The following EXPH5 variants were observed in gnomAD, a reference collection of about 807,000 sequenced individuals.
EXPH5 encodes exophilin 5.
Under a neutral mutation model 41.1 loss-of-function variants are expected in EXPH5, and 42 were observed. That is an observed-to-expected ratio of 1.02 (90% CI 0.80 to 1.32). EXPH5 has a LOEUF of 1.32. Among genes scored for constraint, EXPH5 ranks in the 40% most tolerant of loss-of-function variants. The pLI is 0.00. For missense variants in EXPH5, 2,298 were observed against 2,314.5 expected (o/e 0.99, Z 0.15); for synonymous variants, 798 against 833.5 (o/e 0.96, Z 0.73).
the EXPH5 span, among the ~76,000 whole-genome samples, chr11:108,602,117 A>G: frequency 6.6e-6 from 1 of 152,204 alleles, no homozygotes; most frequent in African/African-American, 2.4e-5. Context: ...TGACATGGGA[A>G]CCATTTAATG....
intron 3 of EXPH5, among the ~76,000 whole-genome samples, chr11:108,531,026 T>C (rs904159921): frequency 2.0e-5 from 3 of 152,178 alleles, no homozygotes; most frequent in Admixed American, 2.0e-4. Context: ...ACTATGCTGG[T>C]AAAAGGCCCC....
At chr11:108,546,562 G>A (rs899865624) in intron 1 of EXPH5, among the ~76,000 whole-genome samples, 2 of 152,164 alleles carry the variant, frequency 1.3e-5, no homozygotes, top group Non-Finnish European at 2.9e-5. Flanking sequence ...GCCACTTACA[G>A]ATATCATGCA....
intron 4 of EXPH5, among the ~76,000 whole-genome samples, chr11:108,523,475 G>A (rs2093778480): frequency 6.6e-6 from 1 of 152,072 alleles, no homozygotes; most frequent in Non-Finnish European, 1.5e-5. Flanking sequence ...TAAACTCTCT[G>A]AAGAAAGGAA....
intron 3 of EXPH5, among the ~76,000 whole-genome samples, chr11:108,537,139 T>A (rs911922567): frequency 6.6e-6 from 1 of 152,272 alleles, no homozygotes; most frequent in Admixed American, 6.5e-5. Context: ...TCAGAATGTA[T>A]GACCTGATTT....
Position 108,511,567 on chromosome 11 carries a change from GATT to G in EXPH5, c.3937_3939del (p.Asn1313del). ...TGATCAGAGTTGACGGACATCTTTA[GATT>G]TTCACATGAAGGTGTTCCTGACTGC... On this transcript the variant is annotated inframe_deletion, in exon 6 of 6. Transcript: ENST00000265843. 6.2e-7 allele frequency: 1 copy of G among 1,613,248 alleles called. No homozygotes were observed. The highest frequency in any genetic ancestry group is 1.1e-5 in the South Asian group (1 of 90,788).
At position 108,575,015 on chromosome 11, in the gene EXPH5, C is replaced by T. The variant is rs567805661; in HGVS notation, c.119+18403G>A. Among the ~76,000 whole-genome samples the T allele has an allele frequency of 2.6e-5, 4 of 152,258 alleles. No individual in the cohort carries two copies. The South Asian group carries it at 6.2e-4, about 24-fold the overall frequency. On this transcript the variant is annotated intron_variant, in intron 1 of 5. Coordinates refer to ENST00000265843, the MANE Select transcript of EXPH5 (RefSeq NM_015065.3). ...ATTCTTATGTCAGAAAAATGTACCC[C>T]CGATTTGTTAAAGTCATGGTTAGAT...
upstream of EXPH5, among the ~76,000 whole-genome samples, chr11:108,594,629 A>G (rs1200048049): frequency 1.3e-5 from 2 of 152,172 alleles, no homozygotes; most frequent in Non-Finnish European, 2.9e-5. Flanking sequence ...ACATGTTTTT[A>G]TCTTGGCTTC....
rs760124476 is a variant in EXPH5 at position 108,510,982 on chromosome 11, C to G, written c.4525G>C (p.Ala1509Pro). ...TLSHSESQVF[A>P]LTPALHKLQL... Reference sequence around the variant, plus strand: ...AGTTTATGCAATGCTGGAGTAAGGGCAAAGACTTGACTCTCTGAGTGAGAA... The same window carrying G: ...AGTTTATGCAATGCTGGAGTAAGGGGAAAGACTTGACTCTCTGAGTGAGAA... The change falls in exon 6 of 6, where the codon GCC becomes CCC. Residue 1509 changes from alanine to proline, a missense_variant. By Grantham distance (27) the Ala-to-Pro change is conservative. Transcript: ENST00000265843. The G allele has an allele frequency of 6.2e-7, 1 of 1,613,988 alleles. No homozygotes were observed. Among genetic ancestry groups the G allele is most frequent in the Non-Finnish European group, 8.5e-7 (1 of 1,180,000 alleles).
In EXPH5 at chr11:108,514,051, C is replaced by A; in HGVS notation, c.1456G>T (p.Gly486Ter). The change falls in exon 6 of 6, where the codon GGA (glycine) becomes TGA (stop). Residue 486 changes from glycine to a stop codon, truncating the protein, a stop_gained. Coordinates refer to ENST00000265843, the MANE Select transcript of EXPH5 (RefSeq NM_015065.3). LOFTEE classifies it low-confidence loss of function (END_TRUNC). ...TGAAAGTCAGACCAGAAAGAATGTC[C>A]TTTCTCTTGGCCCCAAAAAGGACCT... ...GQGPFWGQEK[G>*]HSFWSDFHRS... 6.2e-7 allele frequency: 1 copy of A among 1,614,142 alleles called. No individual in the cohort carries two copies. The highest frequency in any genetic ancestry group is 1.1e-5 in the South Asian group (1 of 91,066).
chr11:108,550,544 C>T (rs1225670752), intron 1 of EXPH5, among the ~76,000 whole-genome samples: 1 of 152,078 alleles, frequency 6.6e-6, no homozygotes, highest in African/African-American at 2.4e-5. Context: ...TTTGGGAGAC[C>T]GAGGCAGACG....
chr11:108,601,060 A>G, the EXPH5 span, among the ~76,000 whole-genome samples: 4 of 152,320 alleles, frequency 2.6e-5, no homozygotes, highest in East Asian at 7.7e-4. Context: ...AGGTAATAGA[A>G]TATTCCTACC....
At chr11:108,598,520 C>T (rs1312598371), upstream of EXPH5, among the ~76,000 whole-genome samples, 1 of 87,380 alleles carries the variant, frequency 1.1e-5, no homozygotes, top group Non-Finnish European at 2.8e-5. Context: ...GTGATAAACG[C>T]TATGAAGAAA....
chr11:108,546,481 T>C (rs957613506), intron 1 of EXPH5, among the ~76,000 whole-genome samples: 1 of 152,078 alleles, frequency 6.6e-6, no homozygotes, highest in African/African-American at 2.4e-5. Flanking sequence ...GTGATGTGTT[T>C]TGGGGAGTAG....
chr11:108,533,945 C>T (rs1031189909), intron 3 of EXPH5, among the ~76,000 whole-genome samples: 4 of 152,146 alleles, frequency 2.6e-5, no homozygotes, highest in African/African-American at 9.7e-5. Flanking sequence ...CAAGTGTGTA[C>T]CACCATGCCT....
chr11:108,577,902 A>G (rs1002940216), intron 1 of EXPH5, among the ~76,000 whole-genome samples: 4 of 151,144 alleles, frequency 2.6e-5, no homozygotes, highest in Admixed American at 2.0e-4. Flanking sequence ...TTTTTTTGCT[A>G]TTGAGTTGCT....
At chr11:108,541,841 CT>C in intron 1 of EXPH5, 29 bp from the exon 2 acceptor site, 1 of 1,519,694 alleles carries the variant, frequency 6.6e-7, no homozygotes. Context: ...TTAATGTGGT[CT>C]TTATTTATTT....
intron 4 of EXPH5, among the ~76,000 whole-genome samples, chr11:108,521,308 C>A (rs1284228624): frequency 6.6e-6 from 1 of 152,198 alleles, no homozygotes; most frequent in Non-Finnish European, 1.5e-5. Context: ...CCCCTACATT[C>A]CTTACGACCT....
intron 1 of EXPH5, among the ~76,000 whole-genome samples, chr11:108,558,404 T>C (rs1036068322): frequency 6.6e-6 from 1 of 152,226 alleles, no homozygotes; most frequent in Non-Finnish European, 1.5e-5. Flanking sequence ...CTTTTTGTGA[T>C]TCTAAGTACA....
In EXPH5 at chr11:108,550,773, C is replaced by T. The variant is rs565146553; in HGVS notation, c.120-8961G>A. Among the ~76,000 whole-genome samples the T allele has an allele frequency of 1.1e-4, 17 of 151,276 alleles. No individual in the cohort carries two copies. In the South Asian group the frequency reaches 2.7e-3, roughly 24 times the overall value. On this transcript the variant is annotated intron_variant, in intron 1 of 5. Coordinates refer to ENST00000265843, the MANE Select transcript of EXPH5 (RefSeq NM_015065.3). ...CAGCCTGGGCAACAGAGTGAGACTTCGTCTCAAAAAATAAATAAATAAATA... is the reference window on the plus strand; with the variant it reads ...CAGCCTGGGCAACAGAGTGAGACTTTGTCTCAAAAAATAAATAAATAAATA...
Sources: allele counts gnomAD v4.1 joint callset (sites outside exome capture counted in the v4.1 genomes callset), GRCh38; gene constraint gnomAD v4.1.1; transcripts MANE v1.5; gene names NCBI Gene and HGNC (gene_info 2026-07-23, HGNC 2026-07-21).